Variants in TCERG1L observed in about 807,000 individuals in gnomAD.
TCERG1L encodes transcription elongation regulator 1-like protein.
TCERG1L carries 37 observed loss-of-function variants against 56.3 expected under a neutral mutation model. The observed-to-expected ratio is 0.66, with a 90% CI of 0.51 to 0.87. TCERG1L has a LOEUF of 0.87. Ranked by LOEUF, TCERG1L falls within the 40% of genes least tolerant of loss-of-function variation. TCERG1L has a pLI of 0.00. For synonymous variants in TCERG1L, 324 were observed against 326.3 expected, an observed-to-expected ratio of 0.99 and a Z score of 0.08; for missense variants, 799 against 774.2, an observed-to-expected ratio of 1.03 and a Z score of -0.38.
intron 8 of TCERG1L, among the ~76,000 whole-genome samples, chr10:131,131,598 T>C (rs755547517): frequency 6.6e-5 from 10 of 152,170 alleles, no homozygotes; most frequent in Non-Finnish European, 1.2e-4. Flanking sequence ...TCCGAGAGAA[T>C]TTCAGGAAAA....
At chr10:131,157,162 G>T (rs1489025607) in intron 6 of TCERG1L, among the ~76,000 whole-genome samples, 1 of 152,102 alleles carries the variant, frequency 6.6e-6, no homozygotes, top group Non-Finnish European at 1.5e-5. Context: ...AATCAGCTTT[G>T]CCAGAAAATG....
intron 3 of TCERG1L, among the ~76,000 whole-genome samples, chr10:131,273,302 G>A (rs1421493688): frequency 1.3e-5 from 2 of 152,172 alleles, no homozygotes; most frequent in Admixed American, 6.5e-5. Context: ...TGATTCTCGG[G>A]CAGTGTCTTT....
chr10:131,093,513 C>T (rs1237528026), intron 11 of TCERG1L, among the ~76,000 whole-genome samples, 195 bp from the exon 12 acceptor site: 2 of 152,146 alleles, frequency 1.3e-5, no homozygotes, highest in Non-Finnish European at 2.9e-5. Flanking sequence ...GGCCCTGACC[C>T]ACCCTCACTT....
intron 4 of TCERG1L, among the ~76,000 whole-genome samples, chr10:131,181,670 CGGA>C (rs1321803412): frequency 4.6e-5 from 7 of 152,218 alleles, no homozygotes; most frequent in Non-Finnish European, 8.8e-5. Flanking sequence ...AACCCTGGCC[CGGA>C]GGAGACCTGC....
chr10:131,114,506 G>A (rs1165643624), intron 9 of TCERG1L, among the ~76,000 whole-genome samples: 1 of 98,342 alleles, frequency 1.0e-5, no homozygotes, highest in African/African-American at 3.0e-5. Flanking sequence ...ACACAACCTG[G>A]TGGTTACCGC....
Position 131,309,183 on chromosome 10 carries a change from A to T in TCERG1L, c.459T>A (p.Ser153Arg). 6.2e-7 allele frequency: 1 copy of T among 1,609,316 alleles called. No individual in the cohort carries two copies. The highest frequency in any genetic ancestry group is 8.5e-7 in the Non-Finnish European group (1 of 1,178,126). ...PSALATPIGK[S>R]WIDKRIPNCK... is the part of the protein sequence containing the mutation. Reference sequence around the variant, plus strand: ...AGTTAGGAATCCTTTTGTCTATCCAACTTTTCCCAATAGGGGTTGCAAGAG... The same window carrying T: ...AGTTAGGAATCCTTTTGTCTATCCATCTTTTCCCAATAGGGGTTGCAAGAG... The change falls in exon 2 of 12, where the codon AGT (serine) becomes AGA (arginine). Residue 153 changes from serine (S) to arginine (R), a missense_variant. By Grantham distance (110) the Ser-to-Arg change is moderately radical. Coordinates refer to ENST00000368642, the MANE Select transcript of TCERG1L (RefSeq NM_174937.4).
intron 4 of TCERG1L, among the ~76,000 whole-genome samples, chr10:131,202,392 C>T (rs893155387): frequency 7.2e-5 from 11 of 152,106 alleles, no homozygotes; most frequent in African/African-American, 2.2e-4. Context: ...GACCAGTCTG[C>T]GCAACATGGT....
At chr10:131,246,632 G>A (rs913199123) in intron 4 of TCERG1L, among the ~76,000 whole-genome samples, 1 of 142,994 alleles carries the variant, frequency 7.0e-6, no homozygotes, top group Admixed American at 7.1e-5. Context: ...CCACCCCACA[G>A]GGAGCTCCTC....
chr10:131,156,155 C>T (rs756273381), intron 6 of TCERG1L: 6 of 152,112 alleles, frequency 3.9e-5, no homozygotes, highest in Non-Finnish European at 7.4e-5. Flanking sequence ...TTCTAATCAC[C>T]TTTTTCTTCT....
At chr10:131,234,544 T>A (rs1048232023) in intron 4 of TCERG1L, among the ~76,000 whole-genome samples, 2 of 152,168 alleles carry the variant, frequency 1.3e-5, no homozygotes, top group African/African-American at 4.8e-5. Context: ...AGAGCTGACT[T>A]CAGATTAGCC....
At chr10:131,217,640 G>T (rs1845683387) in intron 4 of TCERG1L, among the ~76,000 whole-genome samples, 1 of 151,138 alleles carries the variant, frequency 6.6e-6, no homozygotes, top group African/African-American at 2.4e-5. Context: ...AAGGCCCAGG[G>T]AACAATGGGA....
At chr10:131,261,621 TTCAGTCAA>T (rs1407035161) in intron 3 of TCERG1L, among the ~76,000 whole-genome samples, 2 of 152,236 alleles carry the variant, frequency 1.3e-5, no homozygotes, top group Non-Finnish European at 2.9e-5. Context: ...TGTATCGTCA[TTCAGTCAA>T]CCAGTCTTTA....
chr10:131,139,906 C>T (rs775029741), intron 7 of TCERG1L, among the ~76,000 whole-genome samples: 17 of 152,076 alleles, frequency 1.1e-4, no homozygotes, highest in African/African-American at 1.4e-4. Context: ...GTTTGTAAGT[C>T]ACTGAGTTCA....
At chr10:131,284,273 C>T (rs1440970059) in intron 3 of TCERG1L, among the ~76,000 whole-genome samples, 1 of 151,862 alleles carries the variant, frequency 6.6e-6, no homozygotes, top group Non-Finnish European at 1.5e-5. Flanking sequence ...AATCTGCATA[C>T]ATTAGAAATT....
chr10:131,166,880 T>C lies in TCERG1L; in HGVS notation c.862A>G (p.Arg288Gly). 6.2e-7 allele frequency: 1 copy of C among 1,610,502 alleles called. No homozygotes were observed. Among genetic ancestry groups the C allele is most frequent in the South Asian group, 1.1e-5 (1 of 90,746 alleles). The change falls in exon 5 of 12, where the codon AGG becomes GGG. Residue 288 changes from arginine (R) to glycine (G), a missense_variant. Physicochemically the swap from Arg to Gly is moderately radical, Grantham distance 125 (BLOSUM62 -2). Coordinates refer to ENST00000368642, the MANE Select transcript of TCERG1L (RefSeq NM_174937.4). ...CGGGCCACTCGGCCCCGCTCTGTCC[T>C]TGTATCTGTTGGGCCAAAGCAGTTG... ...PLRTSPVSDT[R>G]TERGRVARPP... is the part of the protein sequence containing the mutation.
At chr10:131,286,204 C>A (rs904566983) in intron 3 of TCERG1L, among the ~76,000 whole-genome samples, 1 of 152,088 alleles carries the variant, frequency 6.6e-6, no homozygotes, top group African/African-American at 2.4e-5. Flanking sequence ...GCCTTTAAAA[C>A]GTCTGGGAAG....
chr10:131,292,279 T>A (rs1337835996), intron 3 of TCERG1L, among the ~76,000 whole-genome samples: 1 of 152,242 alleles, frequency 6.6e-6, no homozygotes, highest in Non-Finnish European at 1.5e-5. Context: ...TTTGCATTTT[T>A]ATCAAACGAT....
chr10:131,127,523 G>A (rs1443338226), intron 8 of TCERG1L, among the ~76,000 whole-genome samples: 2 of 152,190 alleles, frequency 1.3e-5, no homozygotes, highest in Non-Finnish European at 2.9e-5. Flanking sequence ...CAGGGCCTGG[G>A]AGTATCTCAT....
At chr10:131,099,532 C>T (rs184730131) in intron 10 of TCERG1L, among the ~76,000 whole-genome samples, 8 of 152,332 alleles carry the variant, frequency 5.3e-5, no homozygotes, top group African/African-American at 1.4e-4. Context: ...ATCCAACCAA[C>T]GGCCAGGCAG....
Sources: gnomAD v4.1 joint callset for allele counts (sites outside exome capture counted in the v4.1 genomes callset) on GRCh38, gnomAD v4.1.1 for gene constraint, MANE v1.5 for transcripts, NCBI Gene and HGNC (gene_info 2026-07-23, HGNC 2026-07-21) for gene names.